Variants in TUSC3 observed in about 807,000 individuals in gnomAD.
The protein encoded by TUSC3 is dolichyl-diphosphooligosaccharide--protein glycosyltransferase subunit TUSC3.
In TUSC3, 45 loss-of-function variants were observed where a neutral mutation model predicts 44.8. The ratio of observed to expected loss-of-function variants is 1.00; its 90% CI spans 0.79 to 1.29. The LOEUF is 1.29. TUSC3 is among the 50% of genes most tolerant of loss of function. TUSC3 has a pLI of 0.00. For synonymous variants in TUSC3, 212 were observed against 152.9 expected, an observed-to-expected ratio of 1.39 and a Z score of -2.85; for missense variants, 519 against 437.9, an observed-to-expected ratio of 1.19 and a Z score of -1.65.
At chr8:15,779,929 A>G in the TUSC3 span, among the ~76,000 whole-genome samples, 6 of 152,212 alleles carry the variant, frequency 3.9e-5, no homozygotes, top group African/African-American at 1.4e-4. Flanking sequence ...TAAGATCAGA[A>G]ACAAAACGAG....
intron 1 of TUSC3, among the ~76,000 whole-genome samples, chr8:15,588,400 CTAGAT>C (rs1321305400): frequency 6.6e-6 from 1 of 151,858 alleles, no homozygotes; most frequent in Non-Finnish European, 1.5e-5. Context: ...CATTTTAGTA[CTAGAT>C]TATTTGTTTA....
At chr8:15,542,934 T>A (rs1222732379) in intron 1 of TUSC3, among the ~76,000 whole-genome samples, 3 of 152,216 alleles carry the variant, frequency 2.0e-5, no homozygotes. Context: ...TTCTATAGTT[T>A]GTTAAATACT....
intron 1 of TUSC3, among the ~76,000 whole-genome samples, chr8:15,460,719 G>A (rs1800334091): frequency 2.6e-5 from 4 of 152,106 alleles, no homozygotes; most frequent in African/African-American, 9.7e-5. Flanking sequence ...GATGAGAGAT[G>A]AGGATCCAGT....
intron 6 of TUSC3, among the ~76,000 whole-genome samples, chr8:15,683,962 G>A (rs1450167660): frequency 1.3e-5 from 2 of 152,080 alleles, no homozygotes; most frequent in Non-Finnish European, 2.9e-5. Context: ...GGCTCTGAGT[G>A]CTGAAGCAAT....
chr8:15,742,776 T>C (rs756504112), intron 7 of TUSC3, among the ~76,000 whole-genome samples: 2 of 152,250 alleles, frequency 1.3e-5, no homozygotes, highest in African/African-American at 2.4e-5. Flanking sequence ...TTTTCAGAAT[T>C]GATGAGTTCT....
downstream of TUSC3, among the ~76,000 whole-genome samples, chr8:15,767,637 C>G (rs976612513): frequency 6.6e-6 from 1 of 152,132 alleles, no homozygotes; most frequent in African/African-American, 2.4e-5. Flanking sequence ...AGCCTGCATT[C>G]CTTATGTGGG....
At chr8:15,518,944 T>C (rs1248166563) in intron 2 of TUSC3, among the ~76,000 whole-genome samples, 1 of 152,216 alleles carries the variant, frequency 6.6e-6, no homozygotes, top group Non-Finnish European at 1.5e-5. Flanking sequence ...TTGCCCATGA[T>C]TCTACAAGTC....
At chr8:15,727,296 A>G (rs112253607) in intron 6 of TUSC3, among the ~76,000 whole-genome samples, 3 of 152,124 alleles carry the variant, frequency 2.0e-5, no homozygotes, top group Admixed American at 6.5e-5. Flanking sequence ...ATACTTACTC[A>G]TTGGTATTCT....
chr8:15,476,212 C>G (rs1045275100), intron 1 of TUSC3, among the ~76,000 whole-genome samples: 2 of 152,144 alleles, frequency 1.3e-5, no homozygotes, highest in Admixed American at 1.3e-4. Context: ...CAAGTAATGT[C>G]TAATCCAATG....
chr8:15,781,362 A>G, the TUSC3 span, among the ~76,000 whole-genome samples: 1 of 152,164 alleles, frequency 6.6e-6, no homozygotes, highest in Non-Finnish European at 1.5e-5. Context: ...GTATATCCTA[A>G]TCTTCTGGGG....
chr8:15,424,693 A>T (rs1799782435), intron 1 of TUSC3, among the ~76,000 whole-genome samples: 3 of 152,094 alleles, frequency 2.0e-5, no homozygotes. Flanking sequence ...ATCCTGGCTA[A>T]CACGGTGAAA....
chr8:15,813,112 T>A, the TUSC3 span, among the ~76,000 whole-genome samples: 2 of 151,388 alleles, frequency 1.3e-5, no homozygotes, highest in Admixed American at 6.6e-5. Context: ...ACAAAAAAAA[T>A]AAGAAAGGAA....
intron 1 of TUSC3, among the ~76,000 whole-genome samples, chr8:15,585,531 T>C (rs111452537): frequency 4.6e-5 from 7 of 152,310 alleles, no homozygotes; most frequent in African/African-American, 1.7e-4. Flanking sequence ...AAGGCTTTTA[T>C]AGGAAACTGA....
At chr8:15,654,521 T>G (rs964917683) in intron 3 of TUSC3, among the ~76,000 whole-genome samples, 1 of 152,226 alleles carries the variant, frequency 6.6e-6, no homozygotes, top group Non-Finnish European at 1.5e-5. Context: ...ATGTTTACAC[T>G]GCATTGCAGG....
chr8:15,759,377 G>A (rs976444824), intron 10 of TUSC3, among the ~76,000 whole-genome samples: 5 of 151,916 alleles, frequency 3.3e-5, no homozygotes, highest in African/African-American at 1.2e-4. Context: ...TGAGGATATC[G>A]GAACTTAACC....
intron 2 of TUSC3, among the ~76,000 whole-genome samples, chr8:15,625,712 C>G (rs1805476910): frequency 6.6e-6 from 1 of 152,086 alleles, no homozygotes; most frequent in African/African-American, 2.4e-5. Flanking sequence ...TGTAAAAAAT[C>G]AGTTTTACTC....
intron 1 of TUSC3, among the ~76,000 whole-genome samples, chr8:15,419,609 C>G (rs536043463): frequency 1.3e-5 from 2 of 152,096 alleles, no homozygotes; most frequent in African/African-American, 2.4e-5. Flanking sequence ...ACTAAGCAAG[C>G]AGTGAATTCA....
At position 15,474,949 on chromosome 8, in the gene TUSC3, G is replaced by C. The variant is rs149235944; in HGVS notation, n.92-8437G>C. Among the ~76,000 whole-genome samples, 640 of 152,218 alleles carry C rather than the reference G, an allele frequency of 4.2e-3. 5 individuals are homozygous for C. Among genetic ancestry groups the C allele is most frequent in the African/African-American group, 0.015 (618 of 41,542 alleles). The stretch of plus-strand genomic sequence containing the variant: ...AAAGCAATTTCTTATTTATATTGAA[G>C]TCATGTCCCTTCTGTGACACTTGCA... On this transcript the variant is annotated intron_variant and non_coding_transcript_variant, in intron 1 of 5. Transcript: ENST00000503191.
chr8:15,511,590 C>T (rs551937149), intron 2 of TUSC3, among the ~76,000 whole-genome samples: 2 of 152,124 alleles, frequency 1.3e-5, no homozygotes, highest in African/African-American at 4.8e-5. Context: ...TAAGAAAGGA[C>T]TGGGTGCAGT....
Sources: gnomAD v4.1 joint callset for allele counts (sites outside exome capture counted in the v4.1 genomes callset) on GRCh38, gnomAD v4.1.1 for gene constraint, MANE v1.5 for transcripts, NCBI Gene and HGNC (gene_info 2026-07-23, HGNC 2026-07-21) for gene names.